The following POLR3B variants were observed in gnomAD, a reference collection of about 807,000 sequenced individuals.
The protein encoded by POLR3B is RNA polymerase III subunit B, also known as DNA-directed RNA polymerase III subunit RPC2.
POLR3B carries 96 observed loss-of-function variants against 147.4 expected under a neutral mutation model. The observed-to-expected ratio is 0.65, with a 90% CI of 0.55 to 0.77. POLR3B has a LOEUF of 0.77. Among genes scored for constraint, POLR3B ranks in the 30% least tolerant of loss-of-function variants. The pLI is 0.00. For missense variants in POLR3B, 1,036 were observed against 1,413.5 expected (o/e 0.73, Z 4.28); for synonymous variants, 461 against 485.9 (o/e 0.95, Z 0.67).
chr12:106,438,501 G>T (rs12308628), intron 18 of POLR3B, among the ~76,000 whole-genome samples: 14 of 143,140 alleles, frequency 9.8e-5, no homozygotes, highest in African/African-American at 2.8e-4. Flanking sequence ...CCATATATAT[G>T]TTTTTTTTTT....
rs202186251 is a variant in POLR3B at position 106,444,602 on chromosome 12, T to G, written c.2083+12T>G. 258 of 1,613,388 alleles carry G rather than the reference T, an allele frequency of 1.6e-4. 1 individual carries two copies. In the African/African-American group the frequency reaches 3.1e-3, roughly 19 times the overall value. ...GAAACAAGCCATGGGTAAGATTTCC[T>G]TCTTGAAAGTTGGTTCTAAATACTT... is the stretch of plus-strand genomic sequence containing the variant. On this transcript the variant is annotated intron_variant, in intron 19 of 27. Coordinates refer to ENST00000228347, the MANE Select transcript of POLR3B (RefSeq NM_018082.6).
intron 20 of POLR3B, among the ~76,000 whole-genome samples, chr12:106,454,961 C>T (rs1593050400): frequency 6.6e-6 from 1 of 151,400 alleles, no homozygotes; most frequent in East Asian, 2.0e-4. Flanking sequence ...TTACGTGAGA[C>T]AATCCTTCAA....
Position 106,357,967 on chromosome 12 carries a change from G to C in POLR3B, c.72+16G>C. ...GACTGTAGAGGTCAGTGCCAGGCAC[G>C]CAGGGAGCGTCAGGGACAAGGATGC... On this transcript the variant is annotated intron_variant, in intron 1 of 27. Transcript: ENST00000228347. 3 of 1,611,252 alleles carry C rather than the reference G, an allele frequency of 1.9e-6. No individual in the cohort carries two copies. Among genetic ancestry groups the C allele is most frequent in the Non-Finnish European group, 2.5e-6 (3 of 1,179,782 alleles).
chr12:106,474,646 T>C (rs1393457973), intron 23 of POLR3B, among the ~76,000 whole-genome samples: 2 of 146,514 alleles, frequency 1.4e-5, no homozygotes, highest in African/African-American at 5.1e-5. Context: ...TTCTAGTTTA[T>C]TTGCGTAGAG....
chr12:106,441,345 C>G (rs557350982), intron 18 of POLR3B, among the ~76,000 whole-genome samples: 78 of 149,936 alleles, frequency 5.2e-4, no homozygotes, highest in African/African-American at 1.8e-3. Context: ...TTAAACAAAC[C>G]TAGATGGTGT....
In POLR3B at chr12:106,357,947, T is replaced by C. The variant is rs2036409694; in HGVS notation, c.68T>C (p.Val23Ala). ...PEQLAAPIPT[V>A]EEKWRLLPAF... is the part of the protein sequence containing the mutation. The stretch of plus-strand genomic sequence containing the variant: ...CAGCTGGCGGCGCCGATCCCGACTG[T>C]AGAGGTCAGTGCCAGGCACGCAGGG... The change falls in exon 1 of 28, where the codon GTA (valine) becomes GCA (alanine). Residue 23 changes from valine (V) to alanine (A), a missense_variant. Around this residue, in one of 12 missense-constraint regions of POLR3B, gnomAD observed 150 missense variants for 145.5 expected, o/e 1.03. Transcript: ENST00000228347. 2 of 1,612,560 alleles carry C rather than the reference T, an allele frequency of 1.2e-6. No homozygotes were observed. Among genetic ancestry groups the C allele is most frequent in the African/African-American group, 1.3e-5 (1 of 74,898 alleles).
intron 12 of POLR3B, 71 bp downstream of exon 12, chr12:106,411,031 A>G (rs2037219672): frequency 1.4e-6 from 2 of 1,426,814 alleles, no homozygotes; most frequent in East Asian, 4.6e-5. Context: ...ATTTCACATA[A>G]GAAGAAACAT....
intron 20 of POLR3B, among the ~76,000 whole-genome samples, chr12:106,456,655 C>G (rs1001625032): frequency 1.3e-5 from 2 of 152,130 alleles, no homozygotes; most frequent in African/African-American, 4.8e-5. Context: ...GCTCAGGAGT[C>G]AGTGGACTTG....
intron 1 of POLR3B, among the ~76,000 whole-genome samples, chr12:106,362,652 T>C (rs1022950947): frequency 6.6e-6 from 1 of 152,172 alleles, no homozygotes; most frequent in African/African-American, 2.4e-5. Flanking sequence ...CCAGTTGTAT[T>C]GGATTAGGGC....
intron 12 of POLR3B, among the ~76,000 whole-genome samples, chr12:106,422,367 A>G (rs1483707988): frequency 6.6e-6 from 1 of 152,182 alleles, no homozygotes; most frequent in African/African-American, 2.4e-5. Context: ...AGGCCTCCCC[A>G]GAAACTGAGC....
chr12:106,453,987 GCT>G (rs1338928307), intron 19 of POLR3B, among the ~76,000 whole-genome samples: 6 of 152,238 alleles, frequency 3.9e-5, no homozygotes, highest in Admixed American at 6.5e-5. Flanking sequence ...ACTCTTCCTT[GCT>G]CTCACTTGAA....
chr12:106,369,934 A>G (rs1565874515), intron 6 of POLR3B, among the ~76,000 whole-genome samples: 1 of 151,936 alleles, frequency 6.6e-6, no homozygotes, highest in Non-Finnish European at 1.5e-5. Flanking sequence ...CTGCTAGGGA[A>G]CCACTAGATA....
chr12:106,410,599 G>A (rs1398013771), intron 11 of POLR3B: 2 of 550,638 alleles, frequency 3.6e-6, no homozygotes, highest in Non-Finnish European at 6.5e-6. Context: ...AGAAGTTGAT[G>A]TAGTCATCTT....
chr12:106,357,873 G>A lies in POLR3B; in HGVS notation c.-7G>A. On this transcript the variant is annotated 5_prime_UTR_variant, in exon 1 of 28. Transcript: ENST00000228347. ...TTCTATCTGTTTCTTCCTCCTTCGT[G>A]AGCAGCATGGACGTGCTAGCGGAGG... The A allele has an allele frequency of 6.2e-7, 1 of 1,613,308 alleles. No individual in the cohort carries two copies. The highest frequency in any genetic ancestry group is 2.2e-5 in the East Asian group (1 of 44,858).
chr12:106,433,907 A>G (rs2037542400), intron 16 of POLR3B, 35 bp downstream of exon 16: 3 of 1,559,872 alleles, frequency 1.9e-6, no homozygotes, highest in Non-Finnish European at 2.6e-6. Context: ...AGTTTTTAAG[A>G]ATCTCTTTAT....
chr12:106,421,598 C>T (rs1388758812), intron 12 of POLR3B, among the ~76,000 whole-genome samples: 1 of 151,964 alleles, frequency 6.6e-6, no homozygotes, highest in Non-Finnish European at 1.5e-5. Flanking sequence ...ATTTTTGTTA[C>T]TGATTTCAAG....
At chr12:106,446,077 C>T (rs1405216022) in intron 19 of POLR3B, among the ~76,000 whole-genome samples, 4 of 152,162 alleles carry the variant, frequency 2.6e-5, no homozygotes. Flanking sequence ...TCCTCAGTAG[C>T]GGTGTAGGCT....
In POLR3B at chr12:106,459,234, T is replaced by G; in HGVS notation, c.2453-17T>G. 2.2e-6 allele frequency: 3 copies of G among 1,362,232 alleles called. No individual in the cohort carries two copies. In the South Asian group the frequency reaches 3.5e-5, roughly 16 times the overall value. The allele number at this position is 1,362,232 out of a possible 1,614,324, so 84.4% of individuals were successfully genotyped here. ...CAGATGATAACGATGTGCCTAACACTTTTCTTTTTTTCTCAGGTGAGAAAG... is the reference window on the plus strand; with the variant it reads ...CAGATGATAACGATGTGCCTAACACGTTTCTTTTTTTCTCAGGTGAGAAAG... On this transcript the variant is annotated splice_polypyrimidine_tract_variant and intron_variant, in intron 21 of 27. Coordinates refer to ENST00000228347, the MANE Select transcript of POLR3B (RefSeq NM_018082.6).
intron 12 of POLR3B, among the ~76,000 whole-genome samples, chr12:106,419,153 C>G (rs1400985771): frequency 6.6e-6 from 1 of 152,184 alleles, no homozygotes; most frequent in African/African-American, 2.4e-5. Flanking sequence ...CATCCCCTCT[C>G]ACCCCTCTGC....
Sources: allele counts gnomAD v4.1 joint callset (sites outside exome capture counted in the v4.1 genomes callset), GRCh38; gene constraint gnomAD v4.1.1; regional missense constraint gnomAD v4.1.1; transcripts MANE v1.5; gene names NCBI Gene and HGNC (gene_info 2026-07-23, HGNC 2026-07-21).